Variants in TAF15 observed in about 807,000 individuals in gnomAD.
The protein encoded by TAF15 is TATA-binding protein-associated factor 2N.
In TAF15, 37 loss-of-function variants were observed where a neutral mutation model predicts 102.5. The ratio of observed to expected loss-of-function variants is 0.36; its 90% CI spans 0.28 to 0.47. The LOEUF (loss-of-function observed/expected upper bound fraction) is 0.47. Among genes scored for constraint, TAF15 ranks in the 20% least tolerant of loss-of-function variants. The pLI is 0.99. For synonymous variants in TAF15, 273 were observed against 259.2 expected, an observed-to-expected ratio of 1.05 and a Z score of -0.51; for missense variants, 652 against 760.7, an observed-to-expected ratio of 0.86 and a Z score of 1.68.
At chr17:35,826,341 C>T (rs538082053) in intron 7 of TAF15, among the ~76,000 whole-genome samples, 3 of 151,952 alleles carry the variant, frequency 2.0e-5, no homozygotes, top group South Asian at 2.1e-4. Flanking sequence ...TTTAGAAATC[C>T]GTATGGATGC....
At chr17:35,815,201 G>GA (rs926158913) in intron 1 of TAF15, among the ~76,000 whole-genome samples, 3 of 152,028 alleles carry the variant, frequency 2.0e-5, no homozygotes, top group Non-Finnish European at 4.4e-5. Flanking sequence ...GGAATATTAG[G>GA]AAAAAACACA....
In TAF15 at chr17:35,846,897, C is replaced by G; in HGVS notation, c.1740-9C>G. ...GAATTTAGTCCGGCTCTTTATTTTTCATTCCTAGAAACGACTACAGAAATG... is the reference window on the plus strand; with the variant it reads ...GAATTTAGTCCGGCTCTTTATTTTTGATTCCTAGAAACGACTACAGAAATG... On this transcript the variant is annotated splice_polypyrimidine_tract_variant and intron_variant, in intron 15 of 15. Coordinates refer to ENST00000605844, the MANE Select transcript of TAF15 (RefSeq NM_139215.3). 6.2e-7 allele frequency: 1 copy of G among 1,614,092 alleles called. No individual in the cohort carries two copies. The highest frequency in any genetic ancestry group is 8.5e-7 in the Non-Finnish European group (1 of 1,179,944).
At chr17:35,824,002 A>G (rs1283718001) in intron 6 of TAF15, 76 bp from the exon 7 acceptor site, 1 of 1,592,828 alleles carries the variant, frequency 6.3e-7, no homozygotes. Flanking sequence ...TGTGGCCTAA[A>G]GAGCCATTTA....
At chr17:35,815,212 A>G (rs2087181272) in intron 1 of TAF15, among the ~76,000 whole-genome samples, 1 of 152,212 alleles carries the variant, frequency 6.6e-6, no homozygotes, top group Non-Finnish European at 1.5e-5. Context: ...AAAAAACACA[A>G]AGAGAATCAA....
At chr17:35,819,556 A>G (rs1598522539) in intron 2 of TAF15, among the ~76,000 whole-genome samples, 1 of 152,192 alleles carries the variant, frequency 6.6e-6, no homozygotes, top group Admixed American at 6.5e-5. Context: ...CTCCCTGTGC[A>G]TCTTTTAGGA....
chr17:35,832,932 G>A (rs1436765852), intron 7 of TAF15, among the ~76,000 whole-genome samples: 1 of 152,038 alleles, frequency 6.6e-6, no homozygotes, highest in Admixed American at 6.6e-5. Context: ...TGAGGTGGGC[G>A]GATTATTTGA....
chr17:35,839,104 CA>C (rs1267690838), intron 11 of TAF15, among the ~76,000 whole-genome samples: 3 of 143,698 alleles, frequency 2.1e-5, no homozygotes. Context: ...TCTACTAAAA[CA>C]AAAAAAAAAT....
Position 35,809,983 on chromosome 17 carries a change from G to A in TAF15, c.7+407G>A. The A allele has an allele frequency of 1.2e-5, 4 of 344,450 alleles. No individual in the cohort carries two copies. In the South Asian group the frequency reaches 1.2e-4, roughly 10 times the overall value. 21.3% of individuals were successfully genotyped at this position (344,450 alleles called of 1,614,324 possible). ...CTCGGATCTTTCAGCGAGGCCTCGG[G>A]CCAGTCATCTCGCCGCCTCGTACCT... On this transcript the variant is annotated intron_variant, in intron 1 of 15. Transcript: ENST00000605844.
At chr17:35,834,462 T>G in intron 8 of TAF15, 104 bp from the exon 9 acceptor site, 1 of 987,790 alleles carries the variant, frequency 1.0e-6, no homozygotes, top group South Asian at 1.4e-5. Flanking sequence ...TTCAAGGATT[T>G]TGGAAGTATT....
chr17:35,823,685 A>G (rs890728929), intron 6 of TAF15: 1 of 278,454 alleles, frequency 3.6e-6, no homozygotes, highest in Non-Finnish European at 6.9e-6. Context: ...AGCCTGGGCT[A>G]CAGAGCGAGA....
At chr17:35,810,072 C>A in intron 1 of TAF15, 1 of 233,760 alleles carries the variant, frequency 4.3e-6, no homozygotes. Flanking sequence ...AGGTGGGGGC[C>A]TTGACGCTCT....
intron 9 of TAF15, among the ~76,000 whole-genome samples, chr17:35,835,831 G>A (rs1215957920): frequency 6.6e-6 from 1 of 152,204 alleles, no homozygotes; most frequent in African/African-American, 2.4e-5. Context: ...TCTTCATGAC[G>A]TTTAGCCCTA....
chr17:35,834,732 C>CTTTTTTTTTTTT, intron 9 of TAF15, 134 bp downstream of exon 9: 1 of 345,710 alleles, frequency 2.9e-6, no homozygotes, highest in Non-Finnish European at 4.7e-6. Flanking sequence ...AACTGGGGAG[C>CTTTTTTTTTTTT]TTTATTTCTT....
intron 5 of TAF15, 99 bp downstream of exon 5, chr17:35,820,536 T>C: frequency 8.5e-7 from 1 of 1,174,918 alleles, no homozygotes; most frequent in Non-Finnish European, 1.2e-6. Context: ...AAACTTTTTT[T>C]TTTTTTAAAG....
rs1353390561 is a variant in TAF15, at chr17:35,810,129, G to A, written c.7+553G>A. 2.1e-5 allele frequency: 4 copies of A among 187,914 alleles called. No homozygotes were observed. The East Asian group carries it at 4.2e-4, about 20-fold the overall frequency. 11.6% of individuals were successfully genotyped at this position (187,914 alleles called of 1,614,324 possible). On this transcript the variant is annotated intron_variant, in intron 1 of 15. Coordinates refer to ENST00000605844, the MANE Select transcript of TAF15 (RefSeq NM_139215.3). ...TGCCTTACACGAAATCGTACTTATC[G>A]TTATTCACTCTGCAGTAACCACCTG...
chr17:35,829,417 G>A (rs1478847970), intron 7 of TAF15, among the ~76,000 whole-genome samples: 2 of 150,976 alleles, frequency 1.3e-5, no homozygotes, highest in African/African-American at 4.9e-5. Context: ...TGGATCACGA[G>A]GTCGGGAGAT....
intron 7 of TAF15, among the ~76,000 whole-genome samples, chr17:35,826,746 T>A (rs531252626): frequency 0.055 from 7,866 of 143,586 alleles, 252 homozygotes; most frequent in South Asian, 0.17. Flanking sequence ...TTTTTTTTTT[T>A]AAGTAGTGAT....
intron 5 of TAF15, among the ~76,000 whole-genome samples, chr17:35,820,964 T>TG (rs2087251244): frequency 6.6e-6 from 1 of 152,226 alleles, no homozygotes; most frequent in Admixed American, 6.5e-5. Flanking sequence ...CTTAATTTTA[T>TG]GCTATTTACT....
Position 35,835,937 on chromosome 17 carries a change from A to C in TAF15, c.674-195A>C, listed in dbSNP as rs4251764. 2.3e-3 allele frequency among the ~76,000 whole-genome samples: 352 copies of C among 152,370 alleles called. 5 individuals carry two copies. The highest frequency in any genetic ancestry group is 0.023 in the South Asian group (111 of 4,830). The stretch of plus-strand genomic sequence containing the variant: ...ACTTGATCCACTTTACTTGAAATTT[A>C]GTTGTAAGAATTGATCAACCAAATA... On this transcript the variant is annotated intron_variant, in intron 9 of 15. Transcript: ENST00000605844.
Sources: allele counts gnomAD v4.1 joint callset (sites outside exome capture counted in the v4.1 genomes callset), GRCh38; gene constraint gnomAD v4.1.1; transcripts MANE v1.5; gene names NCBI Gene and HGNC (gene_info 2026-07-23, HGNC 2026-07-21).